Variants in SRPK2 observed in about 807,000 individuals in gnomAD.
SRPK2 encodes the protein SFRS protein kinase 2.
A neutral mutation model predicts 90.8 loss-of-function variants in SRPK2; 21 were observed. That is an observed-to-expected ratio of 0.23 (90% CI 0.16 to 0.33). The LOEUF is 0.33. SRPK2 is among the 10% of genes least tolerant of loss of function. The pLI is 1.00. For missense variants in SRPK2, 620 were observed against 869.0 expected (o/e 0.71, Z 3.60); for synonymous variants, 288 against 311.1 (o/e 0.93, Z 0.78).
At chr7:105,335,797 AAAC>A (rs1332365364) in intron 2 of SRPK2, among the ~76,000 whole-genome samples, 2 of 151,964 alleles carry the variant, frequency 1.3e-5, no homozygotes, top group East Asian at 3.8e-4. Context: ...CTACTAAAAA[AAAC>A]AAAAAATTAG....
chr7:105,237,281 A>C (rs1375616865), intron 2 of SRPK2, among the ~76,000 whole-genome samples: 1 of 152,208 alleles, frequency 6.6e-6, no homozygotes, highest in East Asian at 1.9e-4. Flanking sequence ...AACCATTATT[A>C]TTTGTCATAA....
chr7:105,300,735 C>CAT (rs1810441103), intron 2 of SRPK2, among the ~76,000 whole-genome samples: 1 of 152,152 alleles, frequency 6.6e-6, no homozygotes, highest in Admixed American at 6.5e-5. Context: ...CAAAAGAAGA[C>CAT]ATTTATGCAG....
intron 2 of SRPK2, among the ~76,000 whole-genome samples, chr7:105,241,272 C>T (rs1800780561): frequency 6.6e-6 from 1 of 152,132 alleles, no homozygotes; most frequent in Non-Finnish European, 1.5e-5. Flanking sequence ...TTGTGCTAAA[C>T]AGTTATGTAC....
chr7:105,185,738 G>T (rs1260075047), intron 3 of SRPK2, among the ~76,000 whole-genome samples: 1 of 152,118 alleles, frequency 6.6e-6, no homozygotes, highest in African/African-American at 2.4e-5. Flanking sequence ...GCCCCACCTA[G>T]TTTTATAATC....
Position 105,374,901 on chromosome 7 carries a change from C to T in SRPK2, c.71+13747G>A, listed in dbSNP as rs115594588. ...GAATTACAGGCTTGAGCCACTGCAC[C>T]CAGCCAGCCCATGAAAAATATTTAT... On this transcript the variant is annotated intron_variant, in intron 2 of 15. Coordinates refer to ENST00000393651, the MANE Select transcript of SRPK2 (RefSeq NM_182692.3). 3.4e-3 allele frequency among the ~76,000 whole-genome samples: 520 copies of T among 152,150 alleles called. 2 individuals carry two copies. Among genetic ancestry groups the T allele is most frequent in the African/African-American group, 0.012 (496 of 41,522 alleles).
chr7:105,342,101 TA>T (rs1454376133), intron 2 of SRPK2, among the ~76,000 whole-genome samples: 1 of 150,936 alleles, frequency 6.6e-6, no homozygotes, highest in Admixed American at 6.6e-5. Flanking sequence ...CCATCTCTAC[TA>T]AAAATACAAA....
At chr7:105,179,824 C>CAAAAAAAAAAAAAAAAAAAAAAAAA (rs1185836588) in intron 3 of SRPK2, among the ~76,000 whole-genome samples, 1 of 60,266 alleles carries the variant, frequency 1.7e-5, no homozygotes. Flanking sequence ...GAGTCCATCT[C>CAAAAAAAAAAAAAAAAAAAAAAAAA]AAAAAAAAAA....
At chr7:105,255,928 A>G (rs1349977197) in intron 2 of SRPK2, among the ~76,000 whole-genome samples, 2 of 116,354 alleles carry the variant, frequency 1.7e-5, no homozygotes, top group Non-Finnish European at 4.1e-5. Flanking sequence ...TCTCAAATTG[A>G]AAAAAAAAAA....
At chr7:105,238,247 A>G (rs1800365077) in intron 2 of SRPK2, among the ~76,000 whole-genome samples, 2 of 152,200 alleles carry the variant, frequency 1.3e-5, no homozygotes, top group Admixed American at 1.3e-4. Context: ...AGGTAACAAA[A>G]TCATCATCGT....
At chr7:105,315,073 T>G (rs1004625071) in intron 2 of SRPK2, among the ~76,000 whole-genome samples, 1 of 152,144 alleles carries the variant, frequency 6.6e-6, no homozygotes, top group Admixed American at 6.5e-5. Context: ...GCACAGGAGT[T>G]CGAGACCAGC....
At chr7:105,168,923 C>A (rs567343232) in intron 4 of SRPK2, among the ~76,000 whole-genome samples, 1 of 151,978 alleles carries the variant, frequency 6.6e-6, no homozygotes, top group Non-Finnish European at 1.5e-5. Flanking sequence ...CAGTGTAAAA[C>A]AATTTCAATG....
chr7:105,210,097 C>T (rs964901954), intron 2 of SRPK2, among the ~76,000 whole-genome samples: 4 of 152,116 alleles, frequency 2.6e-5, no homozygotes, highest in Admixed American at 6.5e-5. Context: ...ATGAGAGTTC[C>T]GATTTCCTCT....
chr7:105,180,986 T>C (rs1012730717), intron 3 of SRPK2, among the ~76,000 whole-genome samples: 1 of 151,448 alleles, frequency 6.6e-6, no homozygotes, highest in African/African-American at 2.4e-5. Flanking sequence ...GACAAAGGTA[T>C]AATATCCAGA....
intron 11 of SRPK2, among the ~76,000 whole-genome samples, chr7:105,135,430 G>C (rs1486690787): frequency 1.3e-5 from 2 of 152,200 alleles, no homozygotes; most frequent in African/African-American, 2.4e-5. Flanking sequence ...GTCAGTGAGG[G>C]ACCAGAGAGC....
intron 15 of SRPK2, among the ~76,000 whole-genome samples, chr7:105,120,770 A>G (rs1049001179): frequency 1.3e-5 from 2 of 152,206 alleles, no homozygotes; most frequent in African/African-American, 2.4e-5. Flanking sequence ...TAAGCTCAGT[A>G]TAAGAAGTAA....
At position 105,133,707 on chromosome 7, in the gene SRPK2, C is replaced by G. The variant is rs144346128; in HGVS notation, c.1544-603G>C. ...ACACAGATTAAAGGCAGGGACTAAA[C>G]TATTCTGGTTTTGTTTTAGACAAGG... On this transcript the variant is annotated intron_variant, in intron 11 of 15. Transcript: ENST00000393651. Among the ~76,000 whole-genome samples, 953 of 152,320 alleles carry G rather than the reference C, an allele frequency of 6.3e-3. 9 individuals are homozygous for G. The highest frequency in any genetic ancestry group is 0.022 in the African/African-American group (922 of 41,570).
chr7:105,369,910 C>G (rs934002574), intron 2 of SRPK2, among the ~76,000 whole-genome samples: 3 of 152,110 alleles, frequency 2.0e-5, no homozygotes, highest in Non-Finnish European at 4.4e-5. Flanking sequence ...GCCTGTAATC[C>G]CAGCTACTCA....
chr7:105,315,526 C>T (rs1052727081), intron 2 of SRPK2, among the ~76,000 whole-genome samples: 7 of 152,158 alleles, frequency 4.6e-5, no homozygotes, highest in Non-Finnish European at 1.0e-4. Context: ...TACTACTAAC[C>T]AAGGACTTGC....
chr7:105,159,163 ATC>A (rs1807033189), intron 7 of SRPK2, among the ~76,000 whole-genome samples: 1 of 151,912 alleles, frequency 6.6e-6, no homozygotes, highest in Non-Finnish European at 1.5e-5. Flanking sequence ...CTCAAGTAAC[ATC>A]TGTCATGTTA....
Sources: gnomAD v4.1 joint callset for allele counts (sites outside exome capture counted in the v4.1 genomes callset) on GRCh38, gnomAD v4.1.1 for gene constraint, MANE v1.5 for transcripts, NCBI Gene and HGNC (gene_info 2026-07-23, HGNC 2026-07-21) for gene names.